TRAPPC10: variants seen among roughly 807,000 people sequenced by gnomAD.
The protein encoded by TRAPPC10 is TRAPP 130 kDa subunit.
In TRAPPC10, 23 loss-of-function variants were observed where a neutral mutation model predicts 125.5. The ratio of observed to expected loss-of-function variants is 0.18; its 90% CI spans 0.13 to 0.26. The LOEUF is 0.26. TRAPPC10 is among the 10% of genes least tolerant of loss of function. TRAPPC10 has a pLI of 1.00. For synonymous variants in TRAPPC10, 509 were observed against 518.0 expected, an observed-to-expected ratio of 0.98 and a Z score of 0.24; for missense variants, 1,123 against 1,308.4, an observed-to-expected ratio of 0.86 and a Z score of 2.19.
Position 44,051,469 on chromosome 21 carries a change from T to A in TRAPPC10, c.286-811T>A, listed in dbSNP as rs148348467. ...GACTCTTCTGAGTGGATTTATGGAA[T>A]AGAAGCGCAGTTATAAGTGATAACA... On this transcript the variant is annotated intron_variant, in intron 3 of 22. Transcript: ENST00000291574. Among the ~76,000 whole-genome samples the A allele has an allele frequency of 2.8e-3, 419 of 152,278 alleles. 5 individuals carry two copies. The highest frequency in any genetic ancestry group is 9.3e-3 in the African/African-American group (387 of 41,550).
chr21:44,025,655 G>C (rs1036243701), intron 1 of TRAPPC10, among the ~76,000 whole-genome samples: 7 of 152,094 alleles, frequency 4.6e-5, no homozygotes, highest in African/African-American at 1.7e-4. Flanking sequence ...AAAAGACTGG[G>C]ACTTTCTGTC....
At chr21:44,086,600 G>T (rs1455654266) in intron 15 of TRAPPC10, among the ~76,000 whole-genome samples, 3 of 152,130 alleles carry the variant, frequency 2.0e-5, no homozygotes, top group Non-Finnish European at 2.9e-5. Context: ...CCCCAGCAAG[G>T]TTCTCCTTCA....
intron 7 of TRAPPC10, among the ~76,000 whole-genome samples, chr21:44,072,191 G>A (rs2036916717): frequency 2.0e-5 from 3 of 152,228 alleles, no homozygotes; most frequent in Non-Finnish European, 4.4e-5. Flanking sequence ...TGGCATTTTG[G>A]TGGTATCATT....
chr21:44,031,997 ACTACCT>A, intron 1 of TRAPPC10, 88 bp from the exon 2 acceptor site: 2 of 1,005,244 alleles, frequency 2.0e-6, no homozygotes, highest in Non-Finnish European at 3.1e-6. Context: ...TAAACATAAA[ACTACCT>A]AAAAACACCA....
chr21:44,059,493 G>T lies in TRAPPC10; in HGVS notation c.790+279G>T. The stretch of plus-strand genomic sequence containing the variant: ...TAAAATGTCCTTTCCACAACTCAGT[G>T]GCCTGCTGGTGATGCTTCGATTCTG... On this transcript the variant is annotated intron_variant, in intron 6 of 22. Transcript: ENST00000291574. The surrounding 1 kb of genome is among the most constrained non-coding windows in gnomAD (Gnocchi z 4.4). The T allele has an allele frequency of 1.3e-6, 1 of 756,980 alleles. No homozygotes were observed. 46.9% of individuals were successfully genotyped at this position (756,980 alleles called of 1,614,324 possible).
chr21:44,077,305 C>T (rs529017636), intron 10 of TRAPPC10, among the ~76,000 whole-genome samples: 17 of 152,160 alleles, frequency 1.1e-4, no homozygotes, highest in Non-Finnish European at 2.1e-4. Flanking sequence ...ATGTCTTCTG[C>T]GGGCTGGGCA....
At chr21:44,047,110 AC>A (rs767804969) in intron 3 of TRAPPC10, 15 of 602,360 alleles carry the variant, frequency 2.5e-5, no homozygotes, top group Non-Finnish European at 4.1e-5. Flanking sequence ...GCGAGATCCC[AC>A]CACCTACTCC....
chr21:44,078,091 A>T (rs1056797212), intron 11 of TRAPPC10, among the ~76,000 whole-genome samples: 1 of 152,194 alleles, frequency 6.6e-6, no homozygotes, highest in Non-Finnish European at 1.5e-5. Flanking sequence ...ATTGGCATAT[A>T]GATTCTTACA....
chr21:44,013,117 A>G (rs916973671), intron 1 of TRAPPC10, among the ~76,000 whole-genome samples: 1 of 150,240 alleles, frequency 6.7e-6, no homozygotes, highest in South Asian at 2.1e-4. Context: ...CATTTTACGG[A>G]TGAGAAAGCC....
At chr21:44,088,247 G>A (rs962415536) in intron 17 of TRAPPC10, 10 of 361,678 alleles carry the variant, frequency 2.8e-5, no homozygotes, top group Non-Finnish European at 5.2e-5. Context: ...CCGGTGACGA[G>A]GCCAGAGGAG....
At chr21:44,052,582 G>T (rs560508006) in intron 4 of TRAPPC10, 106 bp downstream of exon 4, 412 of 1,075,564 alleles carry the variant, frequency 3.8e-4, no homozygotes, top group South Asian at 5.0e-4. Context: ...TCGAGTGAGT[G>T]TCCATGGGGT....
Position 44,091,971 on chromosome 21 carries a change from G to T in TRAPPC10, c.2919G>T (p.Gln973His). Residue 973 changes from glutamine to histidine, a missense_variant, in exon 19 of 23, where the codon CAG becomes CAT. By Grantham distance (24) the Gln-to-His change is conservative. Transcript: ENST00000291574. ...AGAATTTGTCAGAACTTGACTTTCA[G>T]CTGTCAGATAGTTATCTTGTAGATA... ...CVQNLSELDF[Q>H]LSDSYLVDTG... 6.2e-7 allele frequency: 1 copy of T among 1,614,124 alleles called. No individual in the cohort carries two copies. The highest frequency in any genetic ancestry group is 8.5e-7 in the Non-Finnish European group (1 of 1,180,022).
At chr21:44,078,676 C>T (rs1007283901) in intron 11 of TRAPPC10, among the ~76,000 whole-genome samples, 2 of 152,164 alleles carry the variant, frequency 1.3e-5, no homozygotes, top group African/African-American at 4.8e-5. Flanking sequence ...CTTGAACTTC[C>T]ATGCTGTGTA....
At chr21:44,061,036 C>T (rs2145904366) in intron 6 of TRAPPC10, among the ~76,000 whole-genome samples, 1 of 152,214 alleles carries the variant, frequency 6.6e-6, no homozygotes, top group East Asian at 1.9e-4. Flanking sequence ...CTCCTGATTT[C>T]AAGCGATTCT....
intron 6 of TRAPPC10, chr21:44,062,709 G>C: frequency 1.0e-6 from 1 of 985,326 alleles, no homozygotes; most frequent in Non-Finnish European, 1.2e-6. Context: ...TGAGGATGCT[G>C]GTGCAGGGGC....
At chr21:44,053,647 C>T (rs1013710561) in intron 4 of TRAPPC10, among the ~76,000 whole-genome samples, 3 of 152,128 alleles carry the variant, frequency 2.0e-5, no homozygotes, top group Non-Finnish European at 4.4e-5. Context: ...TTGCTAGTTA[C>T]GAGGCTGGTA....
chr21:44,046,907 C>T (rs939258909), intron 3 of TRAPPC10: 9 of 836,686 alleles, frequency 1.1e-5, no homozygotes, highest in Non-Finnish European at 1.7e-5. Flanking sequence ...CGCGCCCACA[C>T]GTCCATGACT....
intron 6 of TRAPPC10, chr21:44,062,839 A>C: frequency 1.0e-6 from 1 of 985,400 alleles, no homozygotes; most frequent in Non-Finnish European, 1.2e-6. Context: ...TGGTTATGAC[A>C]CCTCTCTGTT....
intron 1 of TRAPPC10, among the ~76,000 whole-genome samples, chr21:44,027,147 C>T (rs1282304198): frequency 6.6e-6 from 1 of 152,188 alleles, no homozygotes; most frequent in Non-Finnish European, 1.5e-5. Context: ...TGTCCTGTAT[C>T]AGAGTATCAG....
Sources: gnomAD v4.1 joint callset for allele counts (sites outside exome capture counted in the v4.1 genomes callset) on GRCh38, gnomAD v4.1.1 for gene constraint, Gnocchi (gnomAD v3.1) non-coding constraint, MANE v1.5 for transcripts, NCBI Gene and HGNC (gene_info 2026-07-23, HGNC 2026-07-21) for gene names.